The following CACNA1A variants were observed in gnomAD, a reference collection of about 807,000 sequenced individuals.
CACNA1A encodes the protein calcium voltage-gated channel subunit alpha1 A.
In CACNA1A, 57 loss-of-function variants were observed where a neutral mutation model predicts 262.4. The ratio of observed to expected loss-of-function variants is 0.22; its 90% CI spans 0.18 to 0.27. CACNA1A has a LOEUF of 0.27. Among genes scored for constraint, CACNA1A ranks in the 10% least tolerant of loss-of-function variants. The pLI is 1.00. For synonymous variants in CACNA1A, 1,431 were observed against 1,419.3 expected (o/e 1.01, Z -0.18); for missense variants, 2,526 against 3,562.8 (o/e 0.71, Z 7.41).
At position 13,241,933 on chromosome 19, in the gene CACNA1A, C is replaced by T. The variant is rs1048218117; in HGVS notation, c.4950+3249G>A. On this transcript the variant is annotated intron_variant, in intron 31 of 46. Coordinates refer to ENST00000360228, the MANE Select transcript of CACNA1A (RefSeq NM_001127222.2). This position sits in a 1 kb window ranked among gnomAD's most constrained non-coding sequence, Gnocchi z 4.0. ...GGTTAGTACTGCCGCATGCCCTCTG[C>T]CCCCTAAACCCCAGGGACCTGCCCG... is the stretch of plus-strand genomic sequence containing the variant. Among the ~76,000 whole-genome samples, 9 of 152,150 alleles carry T rather than the reference C, an allele frequency of 5.9e-5. No individual in the cohort carries two copies. Among genetic ancestry groups the T allele is most frequent in the Admixed American group, 2.0e-4 (3 of 15,270 alleles).
intron 38 of CACNA1A, among the ~76,000 whole-genome samples, chr19:13,220,063 G>T (rs1203692256): frequency 6.6e-6 from 1 of 151,884 alleles, no homozygotes; most frequent in African/African-American, 2.4e-5. Context: ...TTCAAAACCA[G>T]CCTGGCCAAC....
At chr19:13,342,725 A>G (rs371291925) in intron 6 of CACNA1A, among the ~76,000 whole-genome samples, 12 of 152,292 alleles carry the variant, frequency 7.9e-5, no homozygotes, top group African/African-American at 2.4e-4. Context: ...CTTCTGGAAT[A>G]GCAAGTGGCA....
intron 27 of CACNA1A, chr19:13,258,736 C>T (rs1487581381): frequency 6.6e-6 from 1 of 151,942 alleles, no homozygotes; most frequent in Admixed American, 6.6e-5. Context: ...TGGAATCTAC[C>T]AAGCTTCCAG....
At position 13,308,019 on chromosome 19, in the gene CACNA1A, T is replaced by C; in HGVS notation, c.1913+101A>G. ...CCCATTTGGGTGACCGCAATGGGTG[T>C]CTGGGCTACGAGGAAGGCAGCCTGC... is the stretch of plus-strand genomic sequence containing the variant. On this transcript the variant is annotated intron_variant, in intron 14 of 46. Coordinates refer to ENST00000360228, the MANE Select transcript of CACNA1A (RefSeq NM_001127222.2). The surrounding 1 kb of genome is among the most constrained non-coding windows in gnomAD (Gnocchi z 4.2). 1.3e-6 allele frequency: 2 copies of C among 1,509,396 alleles called. No homozygotes were observed. Among genetic ancestry groups the C allele is most frequent in the African/African-American group, 2.7e-5 (2 of 72,748 alleles). The allele number at this position is 1,509,396 out of a possible 1,614,324, so 93.5% of individuals were successfully genotyped here. A position where few individuals can be genotyped will look rare whatever the true frequency, so the allele number is the denominator to read the frequency against.
intron 11 of CACNA1A, among the ~76,000 whole-genome samples, chr19:13,315,007 G>C (rs754706256): frequency 6.6e-6 from 1 of 152,120 alleles, no homozygotes; most frequent in Non-Finnish European, 1.5e-5. Flanking sequence ...ATGATAGCAG[G>C]TGATGCACAA....
chr19:13,430,464 C>T (rs745734453), intron 3 of CACNA1A, among the ~76,000 whole-genome samples: 6 of 152,078 alleles, frequency 3.9e-5, no homozygotes, highest in South Asian at 2.1e-4. Context: ...CCTCGGCCTC[C>T]CCAAGTGCTG....
intron 3 of CACNA1A, among the ~76,000 whole-genome samples, chr19:13,376,591 A>T (rs1287476263): frequency 6.7e-6 from 1 of 148,678 alleles, no homozygotes; most frequent in East Asian, 1.9e-4. Context: ...AACATATGAG[A>T]TATATAACAC....
intron 3 of CACNA1A, among the ~76,000 whole-genome samples, chr19:13,380,060 C>T (rs1469592959): frequency 4.4e-5 from 6 of 137,144 alleles, no homozygotes; most frequent in South Asian, 2.4e-4. Flanking sequence ...CCAAGGCTGG[C>T]GGATCACAAG....
chr19:13,239,491 G>A (rs538045551), intron 31 of CACNA1A, among the ~76,000 whole-genome samples: 1 of 152,330 alleles, frequency 6.6e-6, no homozygotes, highest in South Asian at 2.1e-4. Context: ...AGAGGGGACA[G>A]TAATGGTGTC....
At chr19:13,328,960 A>T (rs1222883124) in intron 10 of CACNA1A, among the ~76,000 whole-genome samples, 2 of 151,564 alleles carry the variant, frequency 1.3e-5, no homozygotes, top group African/African-American at 2.4e-5. Context: ...TCTTCCTCTA[A>T]ACTGCGGCCA....
chr19:13,249,086 C>G lies in CACNA1A; in HGVS notation c.4867-3821G>C, dbSNP rs985992705. ...TGAGCTCAAGTAATCCTCCTGCCTT[C>G]GCCTAAGTAGTTAGGACAACAGTCA... On this transcript the variant is annotated intron_variant, in intron 30 of 46. Transcript: ENST00000360228. 7.9e-5 allele frequency among the ~76,000 whole-genome samples: 12 copies of G among 152,056 alleles called. 1 individual carries two copies. In the South Asian group the frequency reaches 1.0e-3, roughly 13 times the overall value.
At position 13,212,525 on chromosome 19, in the gene CACNA1A, G is replaced by T. The variant is rs1318280840; in HGVS notation, c.6051-3C>A. Reference sequence around the variant, plus strand: ...TGAGGCCGCTTTCGTGAGCCATCCTGCATGGGGGACAGAGGCCGGGGTAGC... The same window carrying T: ...TGAGGCCGCTTTCGTGAGCCATCCTTCATGGGGGACAGAGGCCGGGGTAGC... On this transcript the variant is annotated splice_region_variant and splice_polypyrimidine_tract_variant and intron_variant, in intron 41 of 46. Transcript: ENST00000360228. This position sits in a 1 kb window ranked among gnomAD's most constrained non-coding sequence, Gnocchi z 5.6. 1.1e-5 allele frequency: 17 copies of T among 1,564,784 alleles called. No homozygotes were observed. Among genetic ancestry groups the T allele is most frequent in the Non-Finnish European group, 1.5e-5 (17 of 1,153,246 alleles).
At chr19:13,293,521 C>A (rs2057592077) in intron 19 of CACNA1A, among the ~76,000 whole-genome samples, 1 of 141,778 alleles carries the variant, frequency 7.1e-6, no homozygotes, top group Non-Finnish European at 1.5e-5. Flanking sequence ...TCTCGGCTCA[C>A]TGCAAGCTCC....
intron 24 of CACNA1A, chr19:13,274,092 A>G (rs1384309305): frequency 6.6e-6 from 1 of 152,122 alleles, no homozygotes; most frequent in Non-Finnish European, 1.5e-5. Flanking sequence ...AGAGGGAAGG[A>G]TGTGGGGAGG....
At chr19:13,297,623 A>T (rs2057690908) in intron 19 of CACNA1A, among the ~76,000 whole-genome samples, 1 of 152,098 alleles carries the variant, frequency 6.6e-6, no homozygotes, top group Admixed American at 6.5e-5. Context: ...CCAGCCTGGG[A>T]AACACAGTGA....
At chr19:13,421,757 A>G (rs2060319738) in intron 3 of CACNA1A, among the ~76,000 whole-genome samples, 2 of 152,170 alleles carry the variant, frequency 1.3e-5, no homozygotes, top group Non-Finnish European at 2.9e-5. Flanking sequence ...AGCCTCCAGA[A>G]CTGTGGAAAA....
intron 1 of CACNA1A, among the ~76,000 whole-genome samples, chr19:13,498,194 G>A (rs948726572): frequency 1.3e-5 from 2 of 152,066 alleles, no homozygotes; most frequent in African/African-American, 4.8e-5. Flanking sequence ...TGGAAGATCA[G>A]AATCCATGTA....
chr19:13,382,681 A>G (rs1293903494), intron 3 of CACNA1A, among the ~76,000 whole-genome samples: 1 of 152,194 alleles, frequency 6.6e-6, no homozygotes, highest in African/African-American at 2.4e-5. Context: ...CTGAAAGGAC[A>G]GATTGGTGGT....
intron 6 of CACNA1A, among the ~76,000 whole-genome samples, chr19:13,347,212 C>A (rs1380100541): frequency 6.6e-6 from 1 of 151,848 alleles, no homozygotes; most frequent in African/African-American, 2.4e-5. Context: ...GCATGCTCCA[C>A]CATGTCCAGC....
Sources: allele counts gnomAD v4.1 joint callset (sites outside exome capture counted in the v4.1 genomes callset), GRCh38; gene constraint gnomAD v4.1.1; non-coding constraint Gnocchi (gnomAD v3.1); transcripts MANE v1.5; gene names NCBI Gene and HGNC (gene_info 2026-07-23, HGNC 2026-07-21).